Variants in RAB34 observed in about 807,000 individuals in gnomAD.
RAB34 encodes RAB34, member RAS oncogene family.
RAB34 carries 33 observed loss-of-function variants against 39.0 expected under a neutral mutation model. The observed-to-expected ratio is 0.85, with a 90% CI of 0.64 to 1.13. RAB34 has a LOEUF of 1.13. Ranked by LOEUF, RAB34 falls within the 50% of genes most tolerant of loss-of-function variation. RAB34 has a pLI of 0.00. For missense variants in RAB34, 289 were observed against 326.1 expected (o/e 0.89, Z 0.88); for synonymous variants, 135 against 125.1 (o/e 1.08, Z -0.53).
chr17:28,718,302 G>A (rs1293216039), upstream of RAB34: 1 of 1,518,750 alleles, frequency 6.6e-7, no homozygotes, highest in Non-Finnish European at 8.8e-7. Flanking sequence ...TGCCCTGGGA[G>A]GTCGGGGGTG....
At chr17:28,716,251 A>T (rs562604440) in intron 2 of RAB34, 193 bp from the exon 3 acceptor site, 1 of 678,472 alleles carries the variant, frequency 1.5e-6, no homozygotes, top group South Asian at 2.0e-5. Flanking sequence ...AAGCAGAGAG[A>T]CATGAATTTG....
chr17:28,717,540 C>T lies in RAB34; in HGVS notation c.-274G>A. 1 of 1,419,094 alleles carries T rather than the reference C, an allele frequency of 7.0e-7. No individual in the cohort carries two copies. Among genetic ancestry groups the T allele is most frequent in the Non-Finnish European group, 9.2e-7 (1 of 1,090,058 alleles). The allele number at this position is 1,419,094 out of a possible 1,614,324, so 87.9% of individuals were successfully genotyped here. On this transcript the variant is annotated 5_prime_UTR_variant, in exon 1 of 10. Transcript: ENST00000395245. Reference sequence around the variant, plus strand: ...ACTCTGGGGCGAGGAGACTCTTCGGCCGCCAATTGGGGGCGGGGAGTCCCG... The same window carrying T: ...ACTCTGGGGCGAGGAGACTCTTCGGTCGCCAATTGGGGGCGGGGAGTCCCG...
Position 28,717,422 on chromosome 17 carries a change from G to A in RAB34, c.-156C>T, listed in dbSNP as rs1481352646. 1.3e-6 allele frequency: 2 copies of A among 1,495,372 alleles called. No homozygotes were observed. Among genetic ancestry groups the A allele is most frequent in the Non-Finnish European group, 1.8e-6 (2 of 1,121,602 alleles). The allele number at this position is 1,495,372 out of a possible 1,614,324, so 92.6% of individuals were successfully genotyped here. A position where few individuals can be genotyped will look rare whatever the true frequency, so the allele number is the denominator to read the frequency against. On this transcript the variant is annotated 5_prime_UTR_variant, in exon 1 of 10. Coordinates refer to ENST00000395245, the MANE Select transcript of RAB34 (RefSeq NM_031934.6). ...CCCTACGGGAGTCCGCGGTCTCGGAGACGCTACGACCACCGCGGGCCACGG... is the reference window on the plus strand; with the variant it reads ...CCCTACGGGAGTCCGCGGTCTCGGAAACGCTACGACCACCGCGGGCCACGG...
upstream of RAB34, chr17:28,718,156 T>G: frequency 6.2e-7 from 1 of 1,610,524 alleles, no homozygotes. Context: ...CGGAGACTGC[T>G]GCGCAGCATC....
chr17:28,715,138 A>G lies in RAB34; in HGVS notation c.514-16T>C, dbSNP rs201239360. ...GAGCAGGGGTCTGAGGGAAGGCCAG[A>G]GTCAGAGGGGGGCATTCCCTCACCA... is the stretch of plus-strand genomic sequence containing the variant. On this transcript the variant is annotated splice_polypyrimidine_tract_variant and intron_variant, in intron 7 of 9. Coordinates refer to ENST00000395245, the MANE Select transcript of RAB34 (RefSeq NM_031934.6). The G allele has an allele frequency of 3.3e-4, 535 of 1,613,884 alleles. No homozygotes were observed. Among genetic ancestry groups the G allele is most frequent in the Non-Finnish European group, 4.2e-4 (496 of 1,179,792 alleles).
chr17:28,715,871 G>C lies in RAB34; in HGVS notation c.243C>G (p.Tyr81Ter). The part of the protein sequence containing the change: ...RFCKDTFDKN[Y>*]KATIGVDFEM... ...CGAAGTCCACTCCAATGGTGGCCTTGTAATTCTTATCAAAGGTGTCTTTGC... is the reference window on the plus strand; with the variant it reads ...CGAAGTCCACTCCAATGGTGGCCTTCTAATTCTTATCAAAGGTGTCTTTGC... The change falls in exon 4 of 10, where the codon TAC (tyrosine) becomes TAG (stop). Residue 81 changes from tyrosine (Y) to a stop codon, truncating the protein, a stop_gained. Transcript: ENST00000395245. LOFTEE classifies it high-confidence loss of function. 1 of 1,613,950 alleles carries C rather than the reference G, an allele frequency of 6.2e-7. No individual in the cohort carries two copies. The highest frequency in any genetic ancestry group is 8.5e-7 in the Non-Finnish European group (1 of 1,179,904).
At position 28,717,483 on chromosome 17, in the gene RAB34, A is replaced by G; in HGVS notation, c.-217T>C. The G allele has an allele frequency of 7.0e-7, 1 of 1,436,470 alleles. No homozygotes were observed. The highest frequency in any genetic ancestry group is 9.1e-7 in the Non-Finnish European group (1 of 1,097,258). The allele number at this position is 1,436,470 out of a possible 1,614,324, so 89.0% of individuals were successfully genotyped here. A position where few individuals can be genotyped will look rare whatever the true frequency, so the allele number is the denominator to read the frequency against. ...ATCACCCGGGGCCGCGGCGAGCCCAAAATCACCCGGGCCCTGGGCGTCCCG... is the reference window on the plus strand; with the variant it reads ...ATCACCCGGGGCCGCGGCGAGCCCAGAATCACCCGGGCCCTGGGCGTCCCG... On this transcript the variant is annotated 5_prime_UTR_variant, in exon 1 of 10. Transcript: ENST00000395245.
chr17:28,718,048 A>G (rs771720626), upstream of RAB34: 195 of 1,440,430 alleles, frequency 1.4e-4, 1 homozygote, highest in Non-Finnish European at 1.7e-4. Flanking sequence ...GCTGGAGCCT[A>G]TCCAGATAGG....
Position 28,717,226 on chromosome 17 carries a change from G to T in RAB34, c.41C>A (p.Ala14Glu). The T allele has an allele frequency of 6.2e-7, 1 of 1,605,028 alleles. No individual in the cohort carries two copies. Among genetic ancestry groups the T allele is most frequent in the Non-Finnish European group, 8.5e-7 (1 of 1,178,302 alleles). ...LAPVRRDRVL[A>E]ELPQCLRKEA... ...CCCGGCGCCTACCTGGGGCAGCTCC[G>T]CCAGGACGCGATCCCTCCGCACGGG... is the stretch of plus-strand genomic sequence containing the variant. The change falls in exon 1 of 10, where the codon GCG becomes GAG. Residue 14 changes from alanine (A) to glutamate (E), a missense_variant. Coordinates refer to ENST00000395245, the MANE Select transcript of RAB34 (RefSeq NM_031934.6).
At chr17:28,716,804 G>C in intron 2 of RAB34, 99 bp downstream of exon 2, 1 of 1,362,792 alleles carries the variant, frequency 7.3e-7, no homozygotes, top group African/African-American at 1.5e-5. Context: ...TAGCTGGTAG[G>C]GGCTGAAATG....
In RAB34 at chr17:28,717,384, G is replaced by A. The variant is rs923806063; in HGVS notation, c.-118C>T. 6.6e-6 allele frequency: 10 copies of A among 1,524,750 alleles called. No individual in the cohort carries two copies. The highest frequency in any genetic ancestry group is 6.0e-5 in the Admixed American group (3 of 50,064). The allele number at this position is 1,524,750 out of a possible 1,614,324, so 94.5% of individuals were successfully genotyped here. A position where few individuals can be genotyped will look rare whatever the true frequency, so the allele number is the denominator to read the frequency against. On this transcript the variant is annotated 5_prime_UTR_variant, in exon 1 of 10. The change creates a premature stop within an existing upstream ORF in the 5' untranslated region. Coordinates refer to ENST00000395245, the MANE Select transcript of RAB34 (RefSeq NM_031934.6). ...GGCCGGGGTGTCCCGACTACAACTC[G>A]GGGCCACGGGGACCCTACGGGAGTC...
In RAB34 at chr17:28,716,068, A is replaced by G; in HGVS notation, c.147-10T>C. 2.5e-6 allele frequency: 4 copies of G among 1,613,838 alleles called. No individual in the cohort carries two copies. In the South Asian group the frequency reaches 3.3e-5, roughly 13 times the overall value. ...CTTGGAGATCTTAAATCTGCTGGAC[A>G]CAAGAGTGGGCAAGGGGAGTGGGCA... On this transcript the variant is annotated splice_polypyrimidine_tract_variant and intron_variant, in intron 2 of 9. Coordinates refer to ENST00000395245, the MANE Select transcript of RAB34 (RefSeq NM_031934.6).
chr17:28,717,551 G>A lies in RAB34; in HGVS notation c.-285C>T, dbSNP rs2033731950. On this transcript the variant is annotated 5_prime_UTR_variant, in exon 1 of 10. Transcript: ENST00000395245. ...AGGAGACTCTTCGGCCGCCAATTGG[G>A]GGCGGGGAGTCCCGTCTGGTGGGGG... 4 of 1,419,714 alleles carry A rather than the reference G, an allele frequency of 2.8e-6. No individual in the cohort carries two copies. The highest frequency in any genetic ancestry group is 3.7e-6 in the Non-Finnish European group (4 of 1,090,430). The allele number at this position is 1,419,714 out of a possible 1,614,324, so 87.9% of individuals were successfully genotyped here.
upstream of RAB34, chr17:28,717,938 T>C: frequency 7.6e-7 from 1 of 1,309,040 alleles, no homozygotes; most frequent in South Asian, 2.0e-5. Flanking sequence ...CAGGCCTCGC[T>C]GCCCGCCCTC....
rs765494953 is a variant in RAB34 at position 28,717,206 on chromosome 17, C to T, written c.54+7G>A. The T allele has an allele frequency of 6.3e-7, 1 of 1,598,590 alleles. No homozygotes were observed. The highest frequency in any genetic ancestry group is 8.5e-7 in the Non-Finnish European group (1 of 1,175,836). On this transcript the variant is annotated splice_region_variant and intron_variant, in intron 1 of 9. Transcript: ENST00000395245. Reference sequence around the variant, plus strand: ...AGACTGAAGCCCGACGTGGCCCCGGCGCCTACCTGGGGCAGCTCCGCCAGG... The same window carrying T: ...AGACTGAAGCCCGACGTGGCCCCGGTGCCTACCTGGGGCAGCTCCGCCAGG...
upstream of RAB34, chr17:28,718,272 T>G: frequency 6.5e-7 from 1 of 1,539,832 alleles, no homozygotes; most frequent in Non-Finnish European, 8.7e-7. Context: ...ACTCATAGAG[T>G]CTGCCCCCTC....
upstream of RAB34, chr17:28,717,902 GC>G (rs1017639657): frequency 3.7e-6 from 5 of 1,354,056 alleles, no homozygotes; most frequent in Non-Finnish European, 4.7e-6. Flanking sequence ...GAGAAGGGCC[GC>G]CCCCCGCCCC....
chr17:28,714,987 G>A, intron 8 of RAB34, 45 bp downstream of exon 8: 1 of 1,602,158 alleles, frequency 6.2e-7, no homozygotes, highest in Non-Finnish European at 8.6e-7. Flanking sequence ...TGAGAGGAGA[G>A]CCAGGCAAGA....
At chr17:28,716,866 G>A (rs369458576) in intron 2 of RAB34, 37 bp downstream of exon 2, 2 of 1,594,732 alleles carry the variant, frequency 1.3e-6, no homozygotes, top group East Asian at 4.5e-5. Flanking sequence ...GAGTTTCCTG[G>A]GACCTCCTCT....
Sources: allele counts gnomAD v4.1 joint callset, GRCh38; gene constraint gnomAD v4.1.1; transcripts MANE v1.5; gene names NCBI Gene and HGNC (gene_info 2026-07-23, HGNC 2026-07-21).